SPEF2: variants seen among roughly 807,000 people sequenced by gnomAD.
The protein encoded by SPEF2 is sperm flagellar and cilia associated 2.
In SPEF2, 187 loss-of-function variants were observed where a neutral mutation model predicts 224.6. That is an observed-to-expected ratio of 0.83 (90% CI 0.74 to 0.94). The LOEUF is 0.94. SPEF2 is among the 40% of genes least tolerant of loss of function. SPEF2 has a pLI of 0.00. For synonymous variants in SPEF2, 715 were observed against 707.3 expected, an observed-to-expected ratio of 1.01 and a Z score of -0.17; for missense variants, 2,170 against 2,135.6, an observed-to-expected ratio of 1.02 and a Z score of -0.32.
At chr5:35,669,048 T>C (rs1028291863) in intron 9 of SPEF2, among the ~76,000 whole-genome samples, 2 of 152,064 alleles carry the variant, frequency 1.3e-5, no homozygotes, top group African/African-American at 2.4e-5. Flanking sequence ...TTGTTAGGTC[T>C]GTAGCCGTTA....
chr5:35,795,582 CTGCATCCTACT>C, intron 32 of SPEF2, 110 bp from the exon 33 acceptor site: 1 of 695,720 alleles, frequency 1.4e-6, no homozygotes, highest in Non-Finnish European at 2.4e-6. Flanking sequence ...CCTGTGGTTT[CTGCATCCTACT>C]TGGGAGACAA....
chr5:35,806,934 A>G lies in SPEF2; in HGVS notation c.5238A>G (p.Ile1746Met). The change falls in exon 35 of 37, where the codon ATA becomes ATG. Residue 1746 changes from isoleucine (I) to methionine (M), a missense_variant. Physicochemically the swap from Ile to Met is conservative, Grantham distance 10. Transcript: ENST00000356031. ...DSNRFASHLK[I>M]ENIYAEGFIK... ...ATAGATTTGCCAGCCACCTAAAGAT[A>G]GAGAACATTTATGCAGAGGTTGGTT... 1 of 1,608,670 alleles carries G rather than the reference A, an allele frequency of 6.2e-7. No homozygotes were observed. Among genetic ancestry groups the G allele is most frequent in the Middle Eastern group, 1.7e-4 (1 of 6,026 alleles).
chr5:35,637,815 T>C (rs1469092134), intron 2 of SPEF2, among the ~76,000 whole-genome samples: 3 of 152,104 alleles, frequency 2.0e-5, no homozygotes, highest in African/African-American at 7.2e-5. Flanking sequence ...CTGCCACCAT[T>C]AGAAGCTGGA....
intron 34 of SPEF2, 91 bp downstream of exon 34, chr5:35,800,238 C>T (rs1212834941): frequency 1.5e-6 from 2 of 1,376,774 alleles, no homozygotes; most frequent in East Asian, 4.7e-5. Flanking sequence ...TTATTTTCAT[C>T]TCCGTATTTT....
intron 1 of SPEF2, among the ~76,000 whole-genome samples, chr5:35,624,494 A>C (rs1743954650): frequency 6.6e-6 from 1 of 152,196 alleles, no homozygotes; most frequent in Middle Eastern, 3.2e-3. Context: ...CATAGTATTC[A>C]GTGACATTTG....
At chr5:35,653,668 C>T (rs147963826) in intron 6 of SPEF2, among the ~76,000 whole-genome samples, 8,155 of 152,022 alleles carry the variant, frequency 0.054, 252 homozygotes, top group African/African-American at 0.061. Flanking sequence ...AAAGTAAGGC[C>T]GGGCGCAGTG....
At position 35,805,480 on chromosome 5, in the gene SPEF2, T is replaced by C. The variant is rs566397384; in HGVS notation, c.5011-1227T>C. Among the ~76,000 whole-genome samples the C allele has an allele frequency of 5.9e-5, 9 of 152,322 alleles. No homozygotes were observed. The East Asian group carries it at 1.2e-3, about 20-fold the overall frequency. On this transcript the variant is annotated intron_variant, in intron 34 of 36. Transcript: ENST00000356031. The stretch of plus-strand genomic sequence containing the variant: ...TCTACTGAATTGAATATTTACAGCA[T>C]TGGCACCCTCCTAAATTAGCATTTT...
chr5:35,806,860 G>C lies in SPEF2; in HGVS notation c.5164G>C (p.Glu1722Gln), dbSNP rs1580807998. Residue 1722 changes from glutamate (E) to glutamine (Q), a missense_variant, in exon 35 of 37, where the codon GAA becomes CAA. Glu to Gln is a conservative substitution (Grantham distance 29, BLOSUM62 2). Transcript: ENST00000356031. ...TGCAAACAATGAAAAGATGTCCATGGAAACACTACTCAAAGTGTTCAAAGG... is the reference window on the plus strand; with the variant it reads ...TGCAAACAATGAAAAGATGTCCATGCAAACACTACTCAAAGTGTTCAAAGG... ...ENANNEKMSM[E>Q]TLLKVFKGGS... is the part of the protein sequence containing the mutation. The C allele has an allele frequency of 2.8e-5, 45 of 1,614,056 alleles. No homozygotes were observed. The highest frequency in any genetic ancestry group is 3.6e-5 in the Non-Finnish European group (42 of 1,179,976).
chr5:35,713,930 A>G (rs1741870638), intron 20 of SPEF2, among the ~76,000 whole-genome samples: 1 of 91,752 alleles, frequency 1.1e-5, no homozygotes, highest in South Asian at 3.3e-4. Flanking sequence ...TATATAGTAT[A>G]TATGTTATAT....
intron 26 of SPEF2, among the ~76,000 whole-genome samples, chr5:35,765,599 T>C (rs184709800): frequency 8.5e-5 from 13 of 152,296 alleles, no homozygotes; most frequent in Admixed American, 8.5e-4. Flanking sequence ...GTCTGTTGCA[T>C]TGCTCCATTT....
intron 19 of SPEF2, chr5:35,709,773 G>A: frequency 9.1e-6 from 9 of 985,340 alleles, no homozygotes; most frequent in Non-Finnish European, 9.6e-6. Context: ...TGACAAAAGT[G>A]AAGTGCTTAA....
chr5:35,662,013 C>A (rs904261631), intron 8 of SPEF2, among the ~76,000 whole-genome samples: 4 of 152,176 alleles, frequency 2.6e-5, no homozygotes, highest in African/African-American at 9.7e-5. Flanking sequence ...CTGTCCTCCA[C>A]AATGGTTGAA....
At chr5:35,663,198 G>T (rs944435554) in intron 8 of SPEF2, among the ~76,000 whole-genome samples, 1 of 151,930 alleles carries the variant, frequency 6.6e-6, no homozygotes, top group African/African-American at 2.4e-5. Context: ...CTTCATCTTT[G>T]ACTTCCTTAT....
intron 23 of SPEF2, among the ~76,000 whole-genome samples, chr5:35,745,515 A>T (rs1748362695): frequency 6.6e-6 from 1 of 151,390 alleles, no homozygotes; most frequent in East Asian, 2.0e-4. Flanking sequence ...TTAGGTTTGC[A>T]TGGGAGCTGC....
chr5:35,796,459 A>AC (rs1268662459), intron 33 of SPEF2, among the ~76,000 whole-genome samples: 2 of 150,286 alleles, frequency 1.3e-5, no homozygotes, highest in Non-Finnish European at 3.0e-5. Flanking sequence ...AAAATACAAA[A>AC]AAATTAGCCG....
intron 2 of SPEF2, among the ~76,000 whole-genome samples, chr5:35,640,601 T>TGCTG (rs1746492902): frequency 6.6e-6 from 1 of 152,226 alleles, no homozygotes; most frequent in South Asian, 2.1e-4. Context: ...TTTAGTCTCA[T>TGCTG]GCTGAGAAGG....
Position 35,763,826 on chromosome 5 carries a change from A to C in SPEF2, c.3801+124A>C, listed in dbSNP as rs1010499287. ...AGCACTGTAGAAAATTGTACCTTCG[A>C]AACATTTTTTTTCTGAAAGAAATAG... On this transcript the variant is annotated intron_variant, in intron 26 of 36. Coordinates refer to ENST00000356031, the MANE Select transcript of SPEF2 (RefSeq NM_024867.4). 7 of 843,716 alleles carry C rather than the reference A, an allele frequency of 8.3e-6. No homozygotes were observed. In the East Asian group the frequency reaches 1.8e-4, roughly 21 times the overall value. The allele number at this position is 843,716 out of a possible 1,614,324, so 52.3% of individuals were successfully genotyped here.
intron 24 of SPEF2, among the ~76,000 whole-genome samples, chr5:35,754,556 C>T (rs1409366285): frequency 6.6e-6 from 1 of 152,136 alleles, no homozygotes; most frequent in Non-Finnish European, 1.5e-5. Context: ...AGATAGAGTC[C>T]CTGTCTTCCT....
At chr5:35,753,959 C>T (rs1750072077) in intron 24 of SPEF2, among the ~76,000 whole-genome samples, 198 bp downstream of exon 24, 1 of 152,148 alleles carries the variant, frequency 6.6e-6, no homozygotes, top group Non-Finnish European at 1.5e-5. Flanking sequence ...AATATGCACC[C>T]AAATTGGAAG....
Sources: allele counts gnomAD v4.1 joint callset (sites outside exome capture counted in the v4.1 genomes callset), GRCh38; gene constraint gnomAD v4.1.1; transcripts MANE v1.5; gene names NCBI Gene and HGNC (gene_info 2026-07-23, HGNC 2026-07-21).